GRXCR1: variants seen among roughly 807,000 people sequenced by gnomAD.
GRXCR1 encodes the protein glutaredoxin domain-containing cysteine-rich protein 1.
GRXCR1 carries 27 observed loss-of-function variants against 27.3 expected under a neutral mutation model. The ratio of observed to expected loss-of-function variants is 0.99; its 90% confidence interval spans 0.73 to 1.37. GRXCR1 has a LOEUF of 1.37. Ranked by LOEUF, GRXCR1 falls within the 40% of genes most tolerant of loss-of-function variation. The pLI is 0.00. For synonymous variants in GRXCR1, 122 were observed against 131.1 expected (o/e 0.93, Z 0.47); for missense variants, 379 against 354.4 (o/e 1.07, Z -0.56).
chr4:42,924,826 G>C (rs887844183), intron 1 of GRXCR1, among the ~76,000 whole-genome samples: 8 of 152,002 alleles, frequency 5.3e-5, no homozygotes, highest in Admixed American at 5.3e-4. Context: ...ATGCAGGATG[G>C]GGGTAACAGG....
intron 2 of GRXCR1, among the ~76,000 whole-genome samples, chr4:42,977,747 C>A (rs1413228405): frequency 6.6e-6 from 1 of 152,128 alleles, no homozygotes; most frequent in South Asian, 2.1e-4. Flanking sequence ...TTCTCCCATT[C>A]AACAGGTTGT....
chr4:42,982,179 A>G (rs1426508571), intron 2 of GRXCR1, among the ~76,000 whole-genome samples: 6 of 151,762 alleles, frequency 4.0e-5, no homozygotes, highest in Non-Finnish European at 8.8e-5. Flanking sequence ...AGCATTAGCT[A>G]CATCTCCTGA....
intron 1 of GRXCR1, among the ~76,000 whole-genome samples, chr4:42,934,240 T>TTTTA (rs35232999): frequency 8.2e-5 from 12 of 146,452 alleles, no homozygotes; most frequent in African/African-American, 2.2e-4. Context: ...TGATGTGATA[T>TTTTA]TATATATATA....
intron 1 of GRXCR1, among the ~76,000 whole-genome samples, chr4:42,950,675 T>C (rs927110747): frequency 6.6e-6 from 1 of 152,160 alleles, no homozygotes; most frequent in Admixed American, 6.5e-5. Flanking sequence ...TAATTAACAA[T>C]GTGTCTTCAT....
chr4:42,976,145 T>C (rs2109782092), intron 2 of GRXCR1, among the ~76,000 whole-genome samples: 1 of 152,226 alleles, frequency 6.6e-6, no homozygotes, highest in East Asian at 1.9e-4. Context: ...TTAATGATTT[T>C]TTTATGTCAA....
intron 2 of GRXCR1, among the ~76,000 whole-genome samples, chr4:43,015,717 T>C (rs1392748458): frequency 6.6e-6 from 1 of 151,722 alleles, no homozygotes; most frequent in South Asian, 2.1e-4. Context: ...TATTGCAAGC[T>C]ACTTTCTTAG....
intron 1 of GRXCR1, among the ~76,000 whole-genome samples, chr4:42,962,461 A>G (rs764827423): frequency 2.0e-5 from 3 of 151,962 alleles, no homozygotes; most frequent in Non-Finnish European, 2.9e-5. Context: ...GTACAATTGG[A>G]TAAATTGATA....
intron 1 of GRXCR1, among the ~76,000 whole-genome samples, chr4:42,937,887 ATCACC>A (rs1747496593): frequency 6.6e-6 from 1 of 152,012 alleles, no homozygotes; most frequent in Non-Finnish European, 1.5e-5. Flanking sequence ...TGAGGTGTCC[ATCACC>A]TGAAGCATTT....
intron 2 of GRXCR1, among the ~76,000 whole-genome samples, chr4:43,013,878 T>G (rs1296906882): frequency 6.6e-6 from 1 of 152,078 alleles, no homozygotes; most frequent in African/African-American, 2.4e-5. Flanking sequence ...AATACACCCT[T>G]GCGAACATCT....
chr4:43,010,913 C>G (rs937721188), intron 2 of GRXCR1, among the ~76,000 whole-genome samples: 2 of 152,118 alleles, frequency 1.3e-5, no homozygotes, highest in Non-Finnish European at 2.9e-5. Context: ...TACACTGCTA[C>G]ATGATAGAAA....
At chr4:43,012,438 A>C (rs1712789798) in intron 2 of GRXCR1, among the ~76,000 whole-genome samples, 1 of 152,136 alleles carries the variant, frequency 6.6e-6, no homozygotes, top group Non-Finnish European at 1.5e-5. Context: ...TTATGACATT[A>C]TCCAAAGACA....
intron 2 of GRXCR1, among the ~76,000 whole-genome samples, chr4:42,982,055 C>CTTTT (rs200126018): frequency 1.4e-5 from 2 of 146,114 alleles, no homozygotes; most frequent in African/African-American, 2.5e-5. Context: ...CTTTCTCCTT[C>CTTTT]TTTTTTTTTT....
chr4:42,900,688 G>A (rs1746441069), intron 1 of GRXCR1, among the ~76,000 whole-genome samples: 1 of 152,086 alleles, frequency 6.6e-6, no homozygotes, highest in Non-Finnish European at 1.5e-5. Flanking sequence ...ACAGGTCAGT[G>A]GAAAGAGAAT....
chr4:42,893,179 G>A lies in GRXCR1; in HGVS notation c.-88G>A. The A allele has an allele frequency of 2.1e-6, 3 of 1,425,138 alleles. No individual in the cohort carries two copies. Among genetic ancestry groups the A allele is most frequent in the Non-Finnish European group, 3.0e-6 (3 of 1,010,176 alleles). 88.3% of individuals were successfully genotyped at this position (1,425,138 alleles called of 1,614,324 possible). Reference sequence around the variant, plus strand: ...CAGGAGTGCTGCCATCACTAGAATTGGCTCTGATATTGCTATCTGGCAAGT... The same window carrying A: ...CAGGAGTGCTGCCATCACTAGAATTAGCTCTGATATTGCTATCTGGCAAGT... On this transcript the variant is annotated 5_prime_UTR_variant, in exon 1 of 4. Transcript: ENST00000399770.
At chr4:43,008,829 C>T (rs563099834) in intron 2 of GRXCR1, among the ~76,000 whole-genome samples, 1 of 152,112 alleles carries the variant, frequency 6.6e-6, no homozygotes, top group South Asian at 2.1e-4. Context: ...TGTTTGTTTC[C>T]CTATTTTTAA....
rs373586898 is a variant in GRXCR1, at chr4:42,899,712, C to T, written c.384+6062C>T. Among the ~76,000 whole-genome samples the T allele has an allele frequency of 4.6e-4, 70 of 152,222 alleles. 1 individual carries two copies. The South Asian group carries it at 0.01, about 23-fold the overall frequency. On this transcript the variant is annotated intron_variant, in intron 1 of 3. Transcript: ENST00000399770. The stretch of plus-strand genomic sequence containing the variant: ...TAACAGTGACTCTGACCATTAGCAC[C>T]GACTTATCCAAGTTCTACTCATCAT...
At chr4:42,966,285 A>C (rs538935892) in intron 2 of GRXCR1, among the ~76,000 whole-genome samples, 8 of 152,194 alleles carry the variant, frequency 5.3e-5, no homozygotes, top group African/African-American at 1.7e-4. Flanking sequence ...ATGAGCCTCC[A>C]CAGTAGAAAT....
At chr4:43,010,892 C>T (rs1180264599) in intron 2 of GRXCR1, among the ~76,000 whole-genome samples, 1 of 152,154 alleles carries the variant, frequency 6.6e-6, no homozygotes, top group Non-Finnish European at 1.5e-5. Flanking sequence ...TATATTATCT[C>T]ATTTATTTCT....
chr4:42,965,301 T>C (rs1396138863), intron 2 of GRXCR1, among the ~76,000 whole-genome samples: 1 of 152,082 alleles, frequency 6.6e-6, no homozygotes, highest in Non-Finnish European at 1.5e-5. Flanking sequence ...TTTAAGCTAA[T>C]GCTCTGAACC....
Sources: gnomAD v4.1 joint callset for allele counts (sites outside exome capture counted in the v4.1 genomes callset) on GRCh38, gnomAD v4.1.1 for gene constraint, MANE v1.5 for transcripts, NCBI Gene and HGNC (gene_info 2026-07-23, HGNC 2026-07-21) for gene names.